The following MYT1 variants were observed in gnomAD, a reference collection of about 807,000 sequenced individuals.
MYT1 encodes the protein myelin transcription factor 1.
In MYT1, 23 loss-of-function variants were observed where a neutral mutation model predicts 123.0. That is an observed-to-expected ratio of 0.19 (90% CI 0.13 to 0.26). MYT1 has a LOEUF of 0.26. MYT1 is among the 10% of genes least tolerant of loss of function. The probability of loss-of-function intolerance (pLI) is 1.00; values close to 1 mark genes in which losing one functional copy is unlikely to be tolerated. For synonymous variants in MYT1, 518 were observed against 575.3 expected, an observed-to-expected ratio of 0.90 and a Z score of 1.43; for missense variants, 1,125 against 1,472.5, an observed-to-expected ratio of 0.76 and a Z score of 3.86.
In MYT1 at chr20:64,196,164, A is replaced by G. The variant is rs1245631050; in HGVS notation, c.1-2698A>G. 6.6e-6 allele frequency among the ~76,000 whole-genome samples: 1 copy of G among 152,144 alleles called. No individual in the cohort carries two copies. The highest frequency in any genetic ancestry group is 6.5e-5 in the Admixed American group (1 of 15,282). ...GTTGGCTTGTGTTTGGAACAAGTAA[A>G]GTGTGTTTTAAAAATCAATGAAAAA... On this transcript the variant is annotated intron_variant, in intron 2 of 22. Coordinates refer to ENST00000328439, the MANE Select transcript of MYT1 (RefSeq NM_004535.3). The surrounding 1 kb of genome is among the most constrained non-coding windows in gnomAD (Gnocchi z 4.3).
chr20:64,187,239 A>G (rs6011334), intron 1 of MYT1, among the ~76,000 whole-genome samples: 24,065 of 73,860 alleles, frequency 0.33, 2,617 homozygotes, highest in African/African-American at 0.48. Flanking sequence ...CCACGTTTCC[A>G]TGGAGACTTT....
In MYT1 at chr20:64,192,761, C is replaced by G. The variant is rs148786026; in HGVS notation, c.-1+2601C>G. ...TTCAGCCAACCCTTCTTCCTGCCAC[C>G]CAGGGCAGGAGGTGCCTCTGGCAAG... On this transcript the variant is annotated intron_variant, in intron 2 of 22. Coordinates refer to ENST00000328439, the MANE Select transcript of MYT1 (RefSeq NM_004535.3). The surrounding 1 kb of genome is among the most constrained non-coding windows in gnomAD (Gnocchi z 5.3). Among the ~76,000 whole-genome samples the G allele has an allele frequency of 2.0e-5, 3 of 152,328 alleles. No individual in the cohort carries two copies. Among genetic ancestry groups the G allele is most frequent in the African/African-American group, 7.2e-5 (3 of 41,594 alleles).
chr20:64,201,191 A>G (rs1224164792), intron 4 of MYT1, among the ~76,000 whole-genome samples: 2 of 152,202 alleles, frequency 1.3e-5, no homozygotes, highest in Non-Finnish European at 2.9e-5. Flanking sequence ...GGCAAATACA[A>G]ATGGCAGGGT....
At chr20:64,227,637 T>G (rs1601722482) in intron 17 of MYT1, among the ~76,000 whole-genome samples, 160 bp downstream of exon 17, 1 of 152,234 alleles carries the variant, frequency 6.6e-6, no homozygotes, top group East Asian at 1.9e-4. Flanking sequence ...TAAGTTGTCC[T>G]CTGCAGTAAG....
chr20:64,174,924 TCTC>T (rs1424647285), intron 1 of MYT1, among the ~76,000 whole-genome samples: 1 of 1,330 alleles, frequency 7.5e-4, no homozygotes. Context: ...CTCCCTGGCT[TCTC>T]CTGCAGCATC....
chr20:64,235,869 C>CCCT (rs1984516630), intron 19 of MYT1, among the ~76,000 whole-genome samples: 1 of 132,310 alleles, frequency 7.6e-6, no homozygotes, highest in Non-Finnish European at 1.6e-5. Context: ...TGGTGGGTGA[C>CCCT]GCTGGGATGG....
chr20:64,237,228 A>T, intron 20 of MYT1, 59 bp from the exon 21 acceptor site: 1 of 1,430,646 alleles, frequency 7.0e-7, no homozygotes, highest in Admixed American at 1.9e-5. Context: ...TCCCCACAGC[A>T]CTTTGGCCCA....
rs1002674868 is a variant in MYT1, at chr20:64,166,872, C to T, written c.-99+2133C>T. 2.6e-5 allele frequency among the ~76,000 whole-genome samples: 4 copies of T among 152,154 alleles called. No homozygotes were observed. The highest frequency in any genetic ancestry group is 7.2e-5 in the African/African-American group (3 of 41,414). Reference sequence around the variant, plus strand: ...GAGGCTGGCAGAGGGTATGCGGCCACGGGGGTGCATGCTGGGCAGCTCTGG... The same window carrying T: ...GAGGCTGGCAGAGGGTATGCGGCCATGGGGGTGCATGCTGGGCAGCTCTGG... On this transcript the variant is annotated intron_variant, in intron 1 of 22. Coordinates refer to ENST00000328439, the MANE Select transcript of MYT1 (RefSeq NM_004535.3). The surrounding 1 kb of genome is among the most constrained non-coding windows in gnomAD (Gnocchi z 4.9).
chr20:64,181,106 C>A (rs1177825437), intron 1 of MYT1, among the ~76,000 whole-genome samples: 4 of 152,122 alleles, frequency 2.6e-5, no homozygotes, highest in Admixed American at 2.0e-4. Context: ...TTCTAGTTAT[C>A]GGTTTTGTTT....
rs149774713 is a variant in MYT1, at chr20:64,239,897, G to A, written c.3231G>A (p.Pro1077=). 1.6e-5 allele frequency: 26 copies of A among 1,612,434 alleles called. No homozygotes were observed. The highest frequency in any genetic ancestry group is 3.3e-5 in the Admixed American group (2 of 60,006). ...AAAGTCTCGCCAATATCCGCCTTCCGCACATGGTAGGCAGCACGCGGGCCT... is the reference window on the plus strand; with the variant it reads ...AAAGTCTCGCCAATATCCGCCTTCCACACATGGTAGGCAGCACGCGGGCCT... ...LIQSLANIRL[P]HMEPICEQNF... Residue 1077 remains proline, a synonymous_variant, in exon 22 of 23, where the codon CCG becomes CCA. Transcript: ENST00000328439.
At chr20:64,199,450 G>C (rs1983223860) in intron 3 of MYT1, among the ~76,000 whole-genome samples, 1 of 152,182 alleles carries the variant, frequency 6.6e-6, no homozygotes, top group African/African-American at 2.4e-5. Context: ...GTGCATCTTG[G>C]CAGCCATCAC....
chr20:64,209,021 A>G (rs1419523189), intron 7 of MYT1, among the ~76,000 whole-genome samples: 3 of 152,306 alleles, frequency 2.0e-5, no homozygotes, highest in Admixed American at 6.5e-5. Flanking sequence ...TGCAGGGTAC[A>G]GGGGAGCCAT....
intron 3 of MYT1, 128 bp downstream of exon 3, chr20:64,199,044 A>G (rs1229047180): frequency 1.1e-6 from 1 of 942,410 alleles, no homozygotes; most frequent in Non-Finnish European, 1.6e-6. Flanking sequence ...CTTCAGCCTC[A>G]TTCATCCTCA....
chr20:64,198,829 T>G, intron 2 of MYT1, 33 bp from the exon 3 acceptor site: 1 of 1,613,724 alleles, frequency 6.2e-7, no homozygotes, highest in Non-Finnish European at 8.5e-7. Flanking sequence ...CTGGCTGGGT[T>G]TTCTTGTTAA....
intron 1 of MYT1, among the ~76,000 whole-genome samples, chr20:64,182,248 G>A (rs1022447632): frequency 6.6e-6 from 1 of 152,216 alleles, no homozygotes; most frequent in Non-Finnish European, 1.5e-5. Flanking sequence ...TCTGCATGAG[G>A]TATGATGAAA....
Position 64,168,251 on chromosome 20 carries a change from A to G in MYT1, c.-99+3512A>G, listed in dbSNP as rs1469427762. On this transcript the variant is annotated intron_variant, in intron 1 of 22. Coordinates refer to ENST00000328439, the MANE Select transcript of MYT1 (RefSeq NM_004535.3). The surrounding 1 kb of genome is among the most constrained non-coding windows in gnomAD (Gnocchi z 6.1). ...CTTCAGAGAGAAGAGATTAATGGAT[A>G]CTTGCAAGTGGAAAGTGTAGTTTGA... is the stretch of plus-strand genomic sequence containing the variant. 6.6e-6 allele frequency among the ~76,000 whole-genome samples: 1 copy of G among 152,198 alleles called. No individual in the cohort carries two copies. Among genetic ancestry groups the G allele is most frequent in the Non-Finnish European group, 1.5e-5 (1 of 68,028 alleles).
intron 19 of MYT1, among the ~76,000 whole-genome samples, chr20:64,235,737 T>C (rs113434055): frequency 0.14 from 8,522 of 61,290 alleles, 1,028 homozygotes; most frequent in African/African-American, 0.33. Context: ...CTTGGCTGGC[T>C]GTGGTGGGTG....
intron 2 of MYT1, among the ~76,000 whole-genome samples, chr20:64,194,482 C>T (rs761372886): frequency 2.6e-5 from 4 of 152,260 alleles, no homozygotes; most frequent in Non-Finnish European, 4.4e-5. Flanking sequence ...AGGGCCAGAA[C>T]AGCTCCTGCT....
intron 2 of MYT1, among the ~76,000 whole-genome samples, chr20:64,197,104 G>T (rs1983146515): frequency 2.0e-5 from 3 of 152,228 alleles, no homozygotes; most frequent in Admixed American, 2.0e-4. Flanking sequence ...TTTAAAAATA[G>T]AAATTGTAGT....
Sources: gnomAD v4.1 joint callset for allele counts (sites outside exome capture counted in the v4.1 genomes callset) on GRCh38, gnomAD v4.1.1 for gene constraint, Gnocchi (gnomAD v3.1) non-coding constraint, MANE v1.5 for transcripts, NCBI Gene and HGNC (gene_info 2026-07-23, HGNC 2026-07-21) for gene names.